The following ANGPT2 variants were observed in gnomAD, a reference collection of about 807,000 sequenced individuals.
ANGPT2 encodes angiopoietin 2.
ANGPT2 carries 28 observed loss-of-function variants against 62.9 expected under a neutral mutation model. That is an observed-to-expected ratio of 0.44 (90% CI 0.33 to 0.61). ANGPT2 has a LOEUF of 0.61. Among genes scored for constraint, ANGPT2 ranks in the 20% least tolerant of loss-of-function variants. ANGPT2 has a pLI of 0.03. For missense variants in ANGPT2, 727 were observed against 594.9 expected (o/e 1.22, Z -2.31); for synonymous variants, 284 against 207.8 (o/e 1.37, Z -3.15).
In ANGPT2 at chr8:6,562,695, C is replaced by T. The variant is rs1563132385; in HGVS notation, c.240G>A (p.Leu80=). The change falls in exon 1 of 9, where the codon CTG becomes CTA. Residue 80 remains leucine, a synonymous_variant. Coordinates refer to ENST00000629816, the MANE Select transcript of ANGPT2 (RefSeq NM_001118887.2). ...TTTCCATGATGTTCTCCAGCACTTG[C>T]AGCCTCTGCACCGAGTCATCGTATT... The part of the protein sequence containing the change: ...PLEYDDSVQR[L]QVLENIMENN... 2 of 1,609,146 alleles carry T rather than the reference C, an allele frequency of 1.2e-6. No homozygotes were observed. Among genetic ancestry groups the T allele is most frequent in the East Asian group, 4.5e-5 (2 of 44,708 alleles).
intron 3 of ANGPT2, among the ~76,000 whole-genome samples, chr8:6,523,185 G>T (rs1404850293): frequency 2.2e-4 from 34 of 152,114 alleles, no homozygotes; most frequent in Non-Finnish European, 7.4e-5. Context: ...TTTTAGTAGA[G>T]ATGGGCTTTT....
chr8:6,506,310 C>T (rs950538998), intron 8 of ANGPT2, among the ~76,000 whole-genome samples: 3 of 151,960 alleles, frequency 2.0e-5, no homozygotes, highest in Non-Finnish European at 2.9e-5. Context: ...ATGGTCCAGA[C>T]CACTGGCTGG....
chr8:6,539,319 T>C (rs916654889), intron 1 of ANGPT2, among the ~76,000 whole-genome samples: 3 of 152,240 alleles, frequency 2.0e-5, no homozygotes, highest in Admixed American at 6.5e-5. Context: ...CCAAAGCTAC[T>C]TGCCATCTGT....
At chr8:6,537,226 T>A (rs566125682) in intron 1 of ANGPT2, among the ~76,000 whole-genome samples, 4 of 152,266 alleles carry the variant, frequency 2.6e-5, no homozygotes, top group African/African-American at 9.6e-5. Flanking sequence ...AGAGGATTAT[T>A]CCATGAGCGT....
intron 8 of ANGPT2, among the ~76,000 whole-genome samples, chr8:6,506,953 A>G (rs1813851088): frequency 6.6e-6 from 1 of 151,104 alleles, no homozygotes; most frequent in Non-Finnish European, 1.5e-5. Flanking sequence ...GCTGGATTGT[A>G]CTGGTGCGAT....
chr8:6,500,705 C>G lies in ANGPT2; in HGVS notation c.*2396G>C, dbSNP rs948751339. 1 of 152,172 alleles carries G rather than the reference C, an allele frequency of 6.6e-6. No individual in the cohort carries two copies. The highest frequency in any genetic ancestry group is 2.4e-5 in the African/African-American group (1 of 41,454). The allele number at this position is 152,172 out of a possible 1,614,324, so 9.4% of individuals were successfully genotyped here. ...TTTGATTTCCTTTCAGCTTTATAAACATTTTCTTAAGGAGAGACAAAAGCT... is the reference window on the plus strand; with the variant it reads ...TTTGATTTCCTTTCAGCTTTATAAAGATTTTCTTAAGGAGAGACAAAAGCT... On this transcript the variant is annotated 3_prime_UTR_variant, in exon 9 of 9. Transcript: ENST00000629816.
intron 4 of ANGPT2, 72 bp downstream of exon 4, chr8:6,521,106 T>A: frequency 4.0e-6 from 5 of 1,245,792 alleles, no homozygotes; most frequent in Non-Finnish European, 5.7e-6. Context: ...AAGGTGAGAA[T>A]TTTTTAGTCT....
chr8:6,545,842 G>C (rs929569017), intron 1 of ANGPT2, among the ~76,000 whole-genome samples: 4 of 152,240 alleles, frequency 2.6e-5, no homozygotes, highest in African/African-American at 9.6e-5. Flanking sequence ...TCTGAGAAAA[G>C]TGAAATCGAT....
intron 1 of ANGPT2, among the ~76,000 whole-genome samples, chr8:6,542,589 A>G (rs1394691601): frequency 6.9e-6 from 1 of 145,460 alleles, no homozygotes; most frequent in East Asian, 2.0e-4. Context: ...TGATATGCCT[A>G]TTCTTATCTT....
intron 2 of ANGPT2, among the ~76,000 whole-genome samples, chr8:6,530,433 C>T (rs377527132): frequency 4.7e-5 from 7 of 149,424 alleles, no homozygotes; most frequent in Non-Finnish European, 8.9e-5. Context: ...CGCTTGAACC[C>T]GGGAGGTGGA....
At chr8:6,547,240 C>G (rs1388491314) in intron 1 of ANGPT2, among the ~76,000 whole-genome samples, 1 of 152,090 alleles carries the variant, frequency 6.6e-6, no homozygotes, top group Non-Finnish European at 1.5e-5. Flanking sequence ...TTGCATGCCA[C>G]AGCAATTCGG....
chr8:6,551,360 G>A (rs1321085043), intron 1 of ANGPT2, among the ~76,000 whole-genome samples: 5 of 151,940 alleles, frequency 3.3e-5, no homozygotes, highest in Non-Finnish European at 7.3e-5. Context: ...ACGCCTTCAT[G>A]GCACGGGACA....
intron 1 of ANGPT2, among the ~76,000 whole-genome samples, chr8:6,551,597 C>T (rs932000645): frequency 5.9e-5 from 9 of 152,092 alleles, no homozygotes; most frequent in Non-Finnish European, 1.3e-4. Flanking sequence ...CAGTCATCAA[C>T]ACTGTTAAGA....
intron 2 of ANGPT2, among the ~76,000 whole-genome samples, chr8:6,529,882 GT>G (rs3045055): frequency 3.4e-5 from 5 of 148,624 alleles, no homozygotes; most frequent in East Asian, 2.0e-4. Flanking sequence ...CACAATAGGC[GT>G]TTTTTTTTTA....
chr8:6,531,897 A>G (rs771075138), intron 2 of ANGPT2, among the ~76,000 whole-genome samples: 1 of 152,136 alleles, frequency 6.6e-6, no homozygotes, highest in African/African-American at 2.4e-5. Context: ...GTTGAGATTC[A>G]GGTTTTATCT....
intron 3 of ANGPT2, among the ~76,000 whole-genome samples, chr8:6,523,471 C>G (rs1056783599): frequency 6.6e-6 from 1 of 152,142 alleles, no homozygotes; most frequent in Non-Finnish European, 1.5e-5. Context: ...AGTTCCTGTC[C>G]ATTAAGCCAG....
At chr8:6,512,036 A>T (rs927333917) in intron 7 of ANGPT2, among the ~76,000 whole-genome samples, 1 of 151,932 alleles carries the variant, frequency 6.6e-6, no homozygotes. Flanking sequence ...TTTGGAGTCA[A>T]GTTGGAACTG....
At chr8:6,562,543 A>ATCC (rs1471713430) in intron 1 of ANGPT2, 104 bp downstream of exon 1, 1 of 251,204 alleles carries the variant, frequency 4.0e-6, no homozygotes, top group Non-Finnish European at 6.0e-6. Flanking sequence ...AATCCTCTTC[A>ATCC]TCCTCCTTCT....
intron 3 of ANGPT2, among the ~76,000 whole-genome samples, chr8:6,525,014 G>A (rs1423196997): frequency 6.6e-6 from 1 of 152,212 alleles, no homozygotes; most frequent in East Asian, 1.9e-4. Flanking sequence ...AAAGCTCTAT[G>A]TAAAATGAAG....
Sources: allele counts gnomAD v4.1 joint callset (sites outside exome capture counted in the v4.1 genomes callset), GRCh38; gene constraint gnomAD v4.1.1; transcripts MANE v1.5; gene names NCBI Gene and HGNC (gene_info 2026-07-23, HGNC 2026-07-21).